DOCK2: variants seen among roughly 807,000 people sequenced by gnomAD.
DOCK2 encodes dedicator of cytokinesis 2, also known as dedicator of cytokinesis protein 2.
DOCK2 carries 87 observed loss-of-function variants against 248.9 expected under a neutral mutation model. The ratio of observed to expected loss-of-function variants is 0.35; its 90% CI spans 0.29 to 0.42. The LOEUF is 0.42. Ranked by LOEUF, DOCK2 falls within the 10% of genes least tolerant of loss-of-function variation. The probability of loss-of-function intolerance (pLI) is 1.00; values close to 1 mark genes in which losing one functional copy is unlikely to be tolerated. For missense variants in DOCK2, 1,747 were observed against 2,300.2 expected (o/e 0.76, Z 4.92); for synonymous variants, 805 against 821.6 (o/e 0.98, Z 0.35).
Position 169,769,550 on chromosome 5 carries a change from G to C in DOCK2, c.2554+7925G>C, listed in dbSNP as rs77143306. Among the ~76,000 whole-genome samples the C allele has an allele frequency of 5.9e-5, 9 of 152,322 alleles. No homozygotes were observed. The East Asian group carries it at 1.7e-3, about 29-fold the overall frequency. On this transcript the variant is annotated intron_variant, in intron 25 of 51. Transcript: ENST00000520908. ...GCAGATATTACCCTGATTCCCAAAG[G>C]GGGCAAAACAACGCATCTAACCTCA...
chr5:169,849,906 G>T (rs1770531838), intron 27 of DOCK2, among the ~76,000 whole-genome samples: 1 of 152,218 alleles, frequency 6.6e-6, no homozygotes, highest in African/African-American at 2.4e-5. Context: ...TCCTTGGCCT[G>T]CAGGACAGTG....
At chr5:169,761,680 CAT>C in intron 25 of DOCK2, 55 bp downstream of exon 25, 8 of 1,487,926 alleles carry the variant, frequency 5.4e-6, no homozygotes, top group Non-Finnish European at 7.5e-6. Flanking sequence ...AACCCCACAT[CAT>C]TTTGGGGAAG....
At chr5:169,710,710 C>T (rs139043165) in intron 15 of DOCK2, among the ~76,000 whole-genome samples, 1 of 152,278 alleles carries the variant, frequency 6.6e-6, no homozygotes, top group African/African-American at 2.4e-5. Context: ...CTATTCAAAC[C>T]CCAGCGGTTC....
intron 9 of DOCK2, among the ~76,000 whole-genome samples, chr5:169,690,088 C>T (rs1333895678): frequency 4.9e-5 from 7 of 144,020 alleles, no homozygotes; most frequent in African/African-American, 1.8e-4. Context: ...GAGTCTCACT[C>T]TGTTGCCCAG....
chr5:169,742,037 CA>C (rs1260310498), intron 22 of DOCK2, among the ~76,000 whole-genome samples: 2 of 151,952 alleles, frequency 1.3e-5, no homozygotes, highest in Non-Finnish European at 2.9e-5. Flanking sequence ...AGGATGGTCT[CA>C]ATCTCCTGAC....
chr5:169,826,667 G>A (rs1431766524), intron 26 of DOCK2, among the ~76,000 whole-genome samples: 1 of 152,122 alleles, frequency 6.6e-6, no homozygotes, highest in Non-Finnish European at 1.5e-5. Context: ...AAAGGGGTTG[G>A]CAGCAAGAAT....
rs1423191994 is a variant in DOCK2, at chr5:169,906,339, G to A, written c.2799+65487G>A. Reference sequence around the variant, plus strand: ...GGCTCCCAAGCCAGTGTGTGCACATGGCCAGCATTCAATAAGCATTAGCCA... The same window carrying A: ...GGCTCCCAAGCCAGTGTGTGCACATAGCCAGCATTCAATAAGCATTAGCCA... On this transcript the variant is annotated intron_variant, in intron 27 of 51. Coordinates refer to ENST00000520908, the MANE Select transcript of DOCK2 (RefSeq NM_004946.3). Among the ~76,000 whole-genome samples the A allele has an allele frequency of 2.0e-5, 3 of 152,134 alleles. No individual in the cohort carries two copies. The East Asian group carries it at 5.8e-4, about 29-fold the overall frequency.
chr5:170,061,540 G>T (rs968542635), intron 44 of DOCK2, among the ~76,000 whole-genome samples: 1 of 152,216 alleles, frequency 6.6e-6, no homozygotes, highest in African/African-American at 2.4e-5. Flanking sequence ...TAAACCGTGG[G>T]TTTAACTTCT....
Position 169,930,625 on chromosome 5 carries a change from G to A in DOCK2, c.2800-52443G>A, listed in dbSNP as rs561575223. ...CCAAATCAATTTGTGCAAAATAACG[G>A]TAGACAAGGATGAGCTGCGGCTGAC... is the stretch of plus-strand genomic sequence containing the variant. On this transcript the variant is annotated intron_variant, in intron 27 of 51. Coordinates refer to ENST00000520908, the MANE Select transcript of DOCK2 (RefSeq NM_004946.3). Among the ~76,000 whole-genome samples, 11 of 152,316 alleles carry A rather than the reference G, an allele frequency of 7.2e-5. No individual in the cohort carries two copies. The East Asian group carries it at 1.9e-3, about 27-fold the overall frequency.
intron 9 of DOCK2, among the ~76,000 whole-genome samples, chr5:169,691,016 T>G (rs1171119241): frequency 6.6e-6 from 1 of 152,186 alleles, no homozygotes; most frequent in Non-Finnish European, 1.5e-5. Flanking sequence ...AAAAGAGCTT[T>G]AATTGGCTCA....
At chr5:170,061,310 A>G (rs1757319132) in intron 44 of DOCK2, among the ~76,000 whole-genome samples, 1 of 152,210 alleles carries the variant, frequency 6.6e-6, no homozygotes, top group Admixed American at 6.5e-5. Context: ...TCAAAGCTTG[A>G]TTTACGTGTA....
chr5:169,988,298 A>G (rs1384563599), intron 29 of DOCK2, among the ~76,000 whole-genome samples: 2 of 152,196 alleles, frequency 1.3e-5, no homozygotes, highest in Admixed American at 1.3e-4. Context: ...GAGATCCATC[A>G]CTGTTGCAAA....
chr5:170,075,815 G>A, intron 46 of DOCK2, 132 bp from the exon 47 acceptor site: 6 of 1,217,574 alleles, frequency 4.9e-6, no homozygotes, highest in Non-Finnish European at 6.9e-6. Flanking sequence ...GTGTGTGCAG[G>A]TTTCTGAGGA....
At chr5:169,743,524 C>A (rs961180608) in intron 22 of DOCK2, among the ~76,000 whole-genome samples, 5 of 152,178 alleles carry the variant, frequency 3.3e-5, no homozygotes, top group Non-Finnish European at 7.3e-5. Flanking sequence ...ATGCCAGCTA[C>A]AATATTAAGC....
At chr5:169,769,262 C>T (rs1764957920) in intron 25 of DOCK2, among the ~76,000 whole-genome samples, 1 of 152,170 alleles carries the variant, frequency 6.6e-6, no homozygotes, top group Non-Finnish European at 1.5e-5. Flanking sequence ...GGAAGAAAGG[C>T]ACAGGTTTTG....
chr5:169,832,146 G>A (rs1352997614), intron 26 of DOCK2, among the ~76,000 whole-genome samples: 1 of 152,142 alleles, frequency 6.6e-6, no homozygotes, highest in Non-Finnish European at 1.5e-5. Context: ...TGTGTATCTG[G>A]GATTTCAGTG....
rs370484648 is a variant in DOCK2, at chr5:169,983,042, A to G, written c.2800-26A>G. 4.5e-4 allele frequency: 725 copies of G among 1,611,788 alleles called. 1 individual carries two copies. Among genetic ancestry groups the G allele is most frequent in the Admixed American group, 1.7e-3 (103 of 59,986 alleles). On this transcript the variant is annotated intron_variant, in intron 27 of 51. Transcript: ENST00000520908. ...TTCCATGGTCCTCTCTCAACTATTT[A>G]TAGTATTTGTCTTCATTTCTTGCAG... is the stretch of plus-strand genomic sequence containing the variant.
At chr5:169,702,555 TG>T in intron 14 of DOCK2, 128 bp downstream of exon 14, 8 of 1,386,958 alleles carry the variant, frequency 5.8e-6, no homozygotes, top group Non-Finnish European at 6.9e-6. Flanking sequence ...TGTTGAATAA[TG>T]TGTTCAACAC....
At chr5:169,870,126 G>C (rs1192425716) in intron 27 of DOCK2, among the ~76,000 whole-genome samples, 1 of 152,196 alleles carries the variant, frequency 6.6e-6, no homozygotes, top group Non-Finnish European at 1.5e-5. Flanking sequence ...TTAACTGCCT[G>C]AGGTGCCTTA....
Sources: gnomAD v4.1 joint callset for allele counts (sites outside exome capture counted in the v4.1 genomes callset) on GRCh38, gnomAD v4.1.1 for gene constraint, MANE v1.5 for transcripts, NCBI Gene and HGNC (gene_info 2026-07-23, HGNC 2026-07-21) for gene names.